Variants in IRAK1BP1 observed in about 807,000 individuals in gnomAD.
IRAK1BP1 encodes interleukin 1 receptor associated kinase 1 binding protein 1, also known as interleukin-1 receptor-associated kinase 1-binding protein 1.
IRAK1BP1 carries 24 observed loss-of-function variants against 28.0 expected under a neutral mutation model. That is an observed-to-expected ratio of 0.86 (90% confidence interval 0.62 to 1.20). The LOEUF (loss-of-function observed/expected upper bound fraction) is 1.20. IRAK1BP1 is among the 50% of genes most tolerant of loss of function. The pLI is 0.00. For missense variants in IRAK1BP1, 336 were observed against 316.7 expected, an observed-to-expected ratio of 1.06 and a Z score of -0.46; for synonymous variants, 131 against 116.3, an observed-to-expected ratio of 1.13 and a Z score of -0.81.
intron 4 of IRAK1BP1, among the ~76,000 whole-genome samples, chr6:78,923,641 A>G (rs1265527743): frequency 3.3e-5 from 5 of 152,204 alleles, no homozygotes; most frequent in African/African-American, 9.6e-5. Flanking sequence ...CACCACACCT[A>G]TTCCAAAATT....
chr6:78,935,949 C>T (rs1190039954), intron 4 of IRAK1BP1: 1 of 155,576 alleles, frequency 6.4e-6, no homozygotes, highest in Non-Finnish European at 1.4e-5. Flanking sequence ...CTTACACATA[C>T]ATTCTAGTTT....
At chr6:78,868,039 G>T in intron 1 of IRAK1BP1, 148 bp downstream of exon 1, 1 of 778,744 alleles carries the variant, frequency 1.3e-6, no homozygotes, top group Non-Finnish European at 2.0e-6. Context: ...ACTCCGGGAC[G>T]CCAGGACCTG....
Position 78,883,316 on chromosome 6 carries a change from ATAGATC to A in IRAK1BP1, c.316-2056_316-2051del, listed in dbSNP as rs138265113. On this transcript the variant is annotated intron_variant, in intron 1 of 3. Coordinates refer to ENST00000369940, the MANE Select transcript of IRAK1BP1 (RefSeq NM_001010844.4). Reference sequence around the variant, plus strand: ...ATTTTATTTATGAAAAAGTCTGTATATAGATCTAGATACATTTATATGCATTGATGG... The same window carrying A: ...ATTTTATTTATGAAAAAGTCTGTATATAGATACATTTATATGCATTGATGG... Among the ~76,000 whole-genome samples, 964 of 152,316 alleles carry A rather than the reference ATAGATC, an allele frequency of 6.3e-3. 18 individuals carry two copies. The highest frequency in any genetic ancestry group is 0.022 in the African/African-American group (908 of 41,572).
At chr6:78,976,052 G>A in the IRAK1BP1 span, among the ~76,000 whole-genome samples, 130 of 151,750 alleles carry the variant, frequency 8.6e-4, no homozygotes, top group Middle Eastern at 0.031. Context: ...ACCAAAAAAG[G>A]GCCCGCATTG....
downstream of IRAK1BP1, among the ~76,000 whole-genome samples, chr6:78,906,907 T>C (rs1318150250): frequency 6.6e-6 from 1 of 152,196 alleles, no homozygotes; most frequent in Non-Finnish European, 1.5e-5. Context: ...TCTTAAATGA[T>C]GGGTAAAGAT....
the IRAK1BP1 span, among the ~76,000 whole-genome samples, chr6:78,971,747 T>A: frequency 6.6e-6 from 1 of 152,176 alleles, no homozygotes; most frequent in East Asian, 1.9e-4. Context: ...TTCCCTTTCC[T>A]AATCAAAGAA....
At chr6:78,978,649 T>C in the IRAK1BP1 span, 108,924 of 1,597,866 alleles carry the variant, frequency 0.068, 4,320 homozygotes, top group Non-Finnish European at 0.081. Flanking sequence ...CTGTAATCCA[T>C]GTTGATGGCA....
chr6:78,975,331 T>A, the IRAK1BP1 span, among the ~76,000 whole-genome samples: 1 of 152,232 alleles, frequency 6.6e-6, no homozygotes, highest in African/African-American at 2.4e-5. Flanking sequence ...CAACCTTTCA[T>A]GCTAAAAACT....
At chr6:78,978,451 T>C in the IRAK1BP1 span, 3 of 483,618 alleles carry the variant, frequency 6.2e-6, no homozygotes, top group East Asian at 6.6e-5. Context: ...TAATTGTACT[T>C]TCTCCATACA....
At chr6:78,911,361 T>A (rs983555352) in intron 4 of IRAK1BP1, among the ~76,000 whole-genome samples, 3 of 152,108 alleles carry the variant, frequency 2.0e-5, no homozygotes, top group Admixed American at 2.0e-4. Flanking sequence ...TCAAGGCACC[T>A]CAAGATCCGA....
chr6:78,932,421 CT>C (rs386407659), intron 4 of IRAK1BP1, among the ~76,000 whole-genome samples: 205 of 123,690 alleles, frequency 1.7e-3, no homozygotes, highest in African/African-American at 3.3e-3. Flanking sequence ...CTTTCTTTTT[CT>C]TTTTTTTTTT....
At chr6:78,919,889 C>T (rs1014060335) in intron 4 of IRAK1BP1, among the ~76,000 whole-genome samples, 2 of 152,120 alleles carry the variant, frequency 1.3e-5, no homozygotes, top group Non-Finnish European at 2.9e-5. Context: ...AACTGTGAGC[C>T]AGCATCCCTG....
chr6:78,969,914 G>A, the IRAK1BP1 span: 1 of 1,591,546 alleles, frequency 6.3e-7, no homozygotes, highest in Non-Finnish European at 8.6e-7. Flanking sequence ...GCATATCATG[G>A]TATCTAATTA....
At chr6:78,868,915 A>T (rs929893105) in intron 1 of IRAK1BP1, among the ~76,000 whole-genome samples, 2 of 152,250 alleles carry the variant, frequency 1.3e-5, no homozygotes, top group African/African-American at 4.8e-5. Flanking sequence ...AGGCATTGTT[A>T]CTTCCAGTCT....
intron 4 of IRAK1BP1, chr6:78,938,933 A>T (rs1274724745): frequency 6.6e-6 from 1 of 151,690 alleles, no homozygotes; most frequent in Non-Finnish European, 1.5e-5. Flanking sequence ...TATTTTGCCA[A>T]GGTTCAATTG....
At chr6:78,963,145 C>T in the IRAK1BP1 span, 18 of 1,609,460 alleles carry the variant, frequency 1.1e-5, no homozygotes, top group East Asian at 3.6e-4. Flanking sequence ...TCACATTCTT[C>T]ATCCCTGGGA....
At chr6:78,975,693 A>C in the IRAK1BP1 span, among the ~76,000 whole-genome samples, 1 of 152,214 alleles carries the variant, frequency 6.6e-6, no homozygotes, top group Admixed American at 6.5e-5. Context: ...ATACAAAATC[A>C]ATGTGCAAAA....
At chr6:78,910,470 C>CTGA (rs2127661289) in intron 4 of IRAK1BP1, among the ~76,000 whole-genome samples, 1 of 152,328 alleles carries the variant, frequency 6.6e-6, no homozygotes, top group East Asian at 1.9e-4. Flanking sequence ...AAACAGTAGA[C>CTGA]TGATAACATT....
At chr6:78,932,673 A>T (rs191824093) in intron 4 of IRAK1BP1, among the ~76,000 whole-genome samples, 10 of 151,552 alleles carry the variant, frequency 6.6e-5, no homozygotes, top group African/African-American at 2.4e-4. Context: ...CCCACCTTGG[A>T]CTCCTAAAGT....
Sources: allele counts gnomAD v4.1 joint callset (sites outside exome capture counted in the v4.1 genomes callset), GRCh38; gene constraint gnomAD v4.1.1; transcripts MANE v1.5; gene names NCBI Gene and HGNC (gene_info 2026-07-23, HGNC 2026-07-21).